TP63: variants seen among roughly 807,000 people sequenced by gnomAD.
TP63 encodes tumor protein 63.
TP63 carries 17 observed loss-of-function variants against 82.8 expected under a neutral mutation model. That is an observed-to-expected ratio of 0.21 (90% confidence interval 0.14 to 0.31). The LOEUF (loss-of-function observed/expected upper bound fraction) is 0.31. Among genes scored for constraint, TP63 ranks in the 10% least tolerant of loss-of-function variants. The pLI, the probability that TP63 is intolerant of heterozygous loss-of-function variation, is 1.00. For synonymous variants in TP63, 330 were observed against 321.7 expected (o/e 1.03, Z -0.28); for missense variants, 648 against 895.3 (o/e 0.72, Z 3.52).
intron 4 of TP63, among the ~76,000 whole-genome samples, chr3:189,848,828 G>A (rs547994833): frequency 1.5e-3 from 222 of 152,306 alleles, no homozygotes; most frequent in Middle Eastern, 0.01. Context: ...CTTTGTCCAA[G>A]TTTCTTGGCA....
intron 3 of TP63, among the ~76,000 whole-genome samples, chr3:189,802,081 T>G (rs1726368508): frequency 6.6e-6 from 1 of 152,134 alleles, no homozygotes; most frequent in Admixed American, 6.5e-5. Flanking sequence ...AAAGAAACCA[T>G]CATTCTCTGA....
chr3:189,839,057 A>G lies in TP63; in HGVS notation c.580-25175A>G, dbSNP rs539662832. ...TCCTAAGCTAAAAAAAAAAAAAAAA[A>G]AAAAAAAGAAAAAGAAAAAGTAGAT... On this transcript the variant is annotated intron_variant, in intron 4 of 13. Coordinates refer to ENST00000264731, the MANE Select transcript of TP63 (RefSeq NM_003722.5). Among the ~76,000 whole-genome samples, 272 of 149,270 alleles carry G rather than the reference A, an allele frequency of 1.8e-3. 1 individual carries two copies. Among genetic ancestry groups the G allele is most frequent in the African/African-American group, 5.8e-3 (237 of 40,872 alleles).
rs1337936560 is a variant in TP63, at chr3:189,682,548, AAAAAAATATATATATATAT to A, written c.62+50973_62+50991del. Among the ~76,000 whole-genome samples the A allele has an allele frequency of 9.3e-3, 455 of 48,932 alleles. 15 individuals carry two copies. Among genetic ancestry groups the A allele is most frequent in the East Asian group, 0.026 (56 of 2,196 alleles). The allele number at this position is 48,932 out of a possible 152,430, so 32.1% of individuals were successfully genotyped here. On this transcript the variant is annotated intron_variant, in intron 1 of 13. Coordinates refer to ENST00000264731, the MANE Select transcript of TP63 (RefSeq NM_003722.5). ...TTGGTCCTAAGGGGAAAAAAAAAAA[AAAAAAATATATATATATAT>A]ATATATATATATATATATATATATA... is the stretch of plus-strand genomic sequence containing the variant.
chr3:189,871,176 C>A (rs1718375071), intron 9 of TP63, among the ~76,000 whole-genome samples: 1 of 152,046 alleles, frequency 6.6e-6, no homozygotes, highest in East Asian at 1.9e-4. Context: ...TGTCATGTCT[C>A]AAGTTGAGAG....
chr3:189,631,447 T>TAC lies in TP63; in HGVS notation c.-65_-64dup. 6.2e-7 allele frequency: 1 copy of TAC among 1,607,612 alleles called. No homozygotes were observed. Among genetic ancestry groups the TAC allele is most frequent in the Non-Finnish European group, 8.5e-7 (1 of 1,176,530 alleles). ...AGCCTCCCGGCTTTATATCTATATA[T>TAC]ACACAGGTATATGTGTATATTTTAT... On this transcript the variant is annotated 5_prime_UTR_variant, in exon 1 of 14. Transcript: ENST00000264731.
chr3:189,803,826 A>G (rs565602506), intron 3 of TP63, among the ~76,000 whole-genome samples: 55 of 152,206 alleles, frequency 3.6e-4, no homozygotes, highest in African/African-American at 1.3e-3. Context: ...TTACTTTATA[A>G]GTTTCACAGT....
intron 1 of TP63, among the ~76,000 whole-genome samples, chr3:189,672,459 G>A (rs1714971205): frequency 6.6e-6 from 1 of 151,882 alleles, no homozygotes; most frequent in Non-Finnish European, 1.5e-5. Context: ...AAAATTAGCT[G>A]ATCATAGTGG....
chr3:189,705,331 G>T (rs901261740), intron 1 of TP63, among the ~76,000 whole-genome samples: 1 of 152,176 alleles, frequency 6.6e-6, no homozygotes, highest in Non-Finnish European at 1.5e-5. Flanking sequence ...TTAGTATAAG[G>T]TCTAAATGAG....
chr3:189,660,227 G>T (rs1042465380), intron 1 of TP63, among the ~76,000 whole-genome samples: 2 of 151,938 alleles, frequency 1.3e-5, no homozygotes, highest in Admixed American at 1.3e-4. Flanking sequence ...ATTTGTTTAT[G>T]ATGAAAGGTA....
chr3:189,615,801 T>C, the TP63 span, among the ~76,000 whole-genome samples: 9,647 of 152,284 alleles, frequency 0.063, 398 homozygotes, highest in African/African-American at 0.11. Flanking sequence ...CTCCACACTT[T>C]AGGAAGATTT....
At chr3:189,856,377 T>C (rs1420264189) in intron 4 of TP63, among the ~76,000 whole-genome samples, 1 of 151,876 alleles carries the variant, frequency 6.6e-6, no homozygotes, top group African/African-American at 2.4e-5. Context: ...TATCAAAACT[T>C]TGTGGACATA....
At chr3:189,827,703 T>C (rs998050060) in intron 4 of TP63, among the ~76,000 whole-genome samples, 4 of 152,104 alleles carry the variant, frequency 2.6e-5, no homozygotes, top group African/African-American at 9.7e-5. Flanking sequence ...CATAGAAAGT[T>C]TGCAGGAACA....
chr3:189,893,916 T>C (rs569187018), intron 13 of TP63, among the ~76,000 whole-genome samples: 1 of 152,210 alleles, frequency 6.6e-6, no homozygotes, highest in African/African-American at 2.4e-5. Flanking sequence ...CTATTTGGGA[T>C]TTTTGCCCTC....
upstream of TP63, among the ~76,000 whole-genome samples, chr3:189,627,921 G>A (rs189204078): frequency 7.2e-5 from 11 of 152,216 alleles, no homozygotes; most frequent in East Asian, 2.1e-3. Flanking sequence ...CAAGTGTTTT[G>A]TGGAAATTAT....
intron 4 of TP63, among the ~76,000 whole-genome samples, chr3:189,847,857 A>C (rs932188446): frequency 6.6e-6 from 1 of 152,236 alleles, no homozygotes; most frequent in African/African-American, 2.4e-5. Flanking sequence ...ATAAGTATAT[A>C]TACTCCTGTA....
intron 4 of TP63, among the ~76,000 whole-genome samples, chr3:189,819,372 C>T (rs550575619): frequency 6.6e-6 from 1 of 151,970 alleles, no homozygotes; most frequent in African/African-American, 2.4e-5. Flanking sequence ...TATACGTGTG[C>T]CATGTTGGTG....
intron 4 of TP63, among the ~76,000 whole-genome samples, chr3:189,812,218 A>G (rs942258691): frequency 1.3e-5 from 2 of 152,208 alleles, no homozygotes; most frequent in South Asian, 2.1e-4. Flanking sequence ...TATTTAAAGT[A>G]TATGTGCATT....
intron 10 of TP63, chr3:189,881,560 T>C: frequency 1.0e-6 from 1 of 977,144 alleles, no homozygotes; most frequent in East Asian, 1.1e-4. Context: ...AATATTCTCA[T>C]GTAAGTGCTT....
chr3:189,846,481 T>C (rs1714881491), intron 4 of TP63, among the ~76,000 whole-genome samples: 1 of 152,138 alleles, frequency 6.6e-6, no homozygotes, highest in African/African-American at 2.4e-5. Context: ...GGCTCATCAT[T>C]CTTGCCCATG....
Sources: gnomAD v4.1 joint callset for allele counts (sites outside exome capture counted in the v4.1 genomes callset) on GRCh38, gnomAD v4.1.1 for gene constraint, MANE v1.5 for transcripts, NCBI Gene and HGNC (gene_info 2026-07-23, HGNC 2026-07-21) for gene names.